ITGA9: variants seen among roughly 807,000 people sequenced by gnomAD.
The protein encoded by ITGA9 is integrin subunit alpha 9, also known as integrin alpha-9.
Under a neutral mutation model 127.8 loss-of-function variants are expected in ITGA9, and 56 were observed. The ratio of observed to expected loss-of-function variants is 0.44; its 90% confidence interval spans 0.35 to 0.55. The LOEUF (loss-of-function observed/expected upper bound fraction) is 0.55, where lower values mean the gene tolerates loss of function less well. Ranked by LOEUF, ITGA9 falls within the 20% of genes least tolerant of loss-of-function variation. The pLI is 0.00. For missense variants in ITGA9, 1,196 were observed against 1,347.1 expected (o/e 0.89, Z 1.76); for synonymous variants, 508 against 514.5 (o/e 0.99, Z 0.17).
rs550379600 is a variant in ITGA9, at chr3:37,612,856, G to T, written c.1690-16331G>T. ...CAGTGCTTCACACACATCAGACAAA[G>T]ATATTTTGTGAGTGGCTCTAAAAAT... is the stretch of plus-strand genomic sequence containing the variant. On this transcript the variant is annotated intron_variant, in intron 15 of 27. Coordinates refer to ENST00000264741, the MANE Select transcript of ITGA9 (RefSeq NM_002207.3). Among the ~76,000 whole-genome samples the T allele has an allele frequency of 6.4e-4, 97 of 152,188 alleles. 1 individual carries two copies. Among genetic ancestry groups the T allele is most frequent in the African/African-American group, 2.3e-3 (96 of 41,516 alleles).
At chr3:37,552,655 G>A (rs1011270208) in intron 15 of ITGA9, among the ~76,000 whole-genome samples, 1 of 152,130 alleles carries the variant, frequency 6.6e-6, no homozygotes, top group African/African-American at 2.4e-5. Flanking sequence ...GGGCGTATGC[G>A]TGTGTGCATG....
At chr3:37,604,658 C>G (rs1699951083) in intron 15 of ITGA9, among the ~76,000 whole-genome samples, 1 of 152,192 alleles carries the variant, frequency 6.6e-6, no homozygotes, top group Non-Finnish European at 1.5e-5. Flanking sequence ...ACTGAATGTC[C>G]CTTCTCTTTT....
chr3:37,460,587 C>CTTT (rs10711884), intron 1 of ITGA9, among the ~76,000 whole-genome samples: 14 of 110,832 alleles, frequency 1.3e-4, no homozygotes, highest in South Asian at 2.7e-4. Context: ...GTGCCCAAAT[C>CTTT]TTTTTTTTTT....
intron 26 of ITGA9, among the ~76,000 whole-genome samples, chr3:37,793,051 A>C (rs1040321465): frequency 6.6e-6 from 1 of 152,052 alleles, no homozygotes; most frequent in East Asian, 1.9e-4. Context: ...CTTCTCCCCA[A>C]ATCCTCAAGT....
intron 7 of ITGA9, among the ~76,000 whole-genome samples, chr3:37,506,760 G>A (rs1338782082): frequency 6.6e-6 from 1 of 152,238 alleles, no homozygotes; most frequent in African/African-American, 2.4e-5. Flanking sequence ...AGTAGGTACA[G>A]ATGGATCAGG....
rs748857103 is a variant in ITGA9, at chr3:37,779,978, C to T, written c.2744C>T (p.Thr915Ile). The change falls in exon 25 of 28, where the codon ACT (threonine) becomes ATT (isoleucine). Residue 915 changes from threonine to isoleucine, a missense_variant. Thr to Ile is a moderately conservative substitution (Grantham distance 89, BLOSUM62 -1). Transcript: ENST00000264741. ...GCTCTTGCTAAAGAAGAAAGTCGTA[C>T]TATAGACATTTACATGCTGCTGAAC... ...FSALAKEESR[T>I]IDIYMLLNTE... is the part of the protein sequence containing the mutation. 2 of 1,613,976 alleles carry T rather than the reference C, an allele frequency of 1.2e-6. No homozygotes were observed. Among genetic ancestry groups the T allele is most frequent in the Non-Finnish European group, 1.7e-6 (2 of 1,179,884 alleles).
chr3:37,622,894 G>A lies in ITGA9; in HGVS notation c.1690-6293G>A, dbSNP rs184955667. Among the ~76,000 whole-genome samples the A allele has an allele frequency of 3.9e-5, 6 of 152,114 alleles. No individual in the cohort carries two copies. In the East Asian group the frequency reaches 1.2e-3, roughly 29 times the overall value. ...TTTATTGCTTGCCTACAGTATGTCA[G>A]TCATTATACAAGGTATATTTTATAA... On this transcript the variant is annotated intron_variant, in intron 15 of 27. Coordinates refer to ENST00000264741, the MANE Select transcript of ITGA9 (RefSeq NM_002207.3).
At chr3:37,684,374 T>C in intron 18 of ITGA9, among the ~76,000 whole-genome samples, 1 of 152,232 alleles carries the variant, frequency 6.6e-6, no homozygotes, top group East Asian at 1.9e-4. Context: ...GGTCAGTAGT[T>C]GTGAAAGTAA....
At chr3:37,674,458 G>A (rs1700663754) in intron 17 of ITGA9, among the ~76,000 whole-genome samples, 1 of 152,210 alleles carries the variant, frequency 6.6e-6, no homozygotes, top group South Asian at 2.1e-4. Flanking sequence ...AGAGGCTCAT[G>A]AACTTGTGCT....
At chr3:37,605,939 T>A (rs182080136) in intron 15 of ITGA9, among the ~76,000 whole-genome samples, 2 of 152,182 alleles carry the variant, frequency 1.3e-5, no homozygotes, top group Non-Finnish European at 1.5e-5. Flanking sequence ...TGCATGAGTA[T>A]GATATAGTGT....
chr3:37,593,481 C>T (rs891143529), intron 15 of ITGA9, among the ~76,000 whole-genome samples: 2 of 152,202 alleles, frequency 1.3e-5, no homozygotes, highest in African/African-American at 4.8e-5. Flanking sequence ...ATCAAGGTGC[C>T]AGCATAGTTG....
intron 27 of ITGA9, among the ~76,000 whole-genome samples, chr3:37,812,991 C>T (rs1003258394): frequency 2.6e-4 from 40 of 152,386 alleles, no homozygotes; most frequent in Middle Eastern, 3.4e-3. Flanking sequence ...CCAAGGCACC[C>T]ATGCGTGCTC....
At chr3:37,680,196 C>G (rs1432651690) in intron 17 of ITGA9, among the ~76,000 whole-genome samples, 1 of 152,192 alleles carries the variant, frequency 6.6e-6, no homozygotes, top group East Asian at 1.9e-4. Flanking sequence ...AAGACCCTTT[C>G]TCAGTGTTGT....
chr3:37,623,107 A>T (rs1284899788), intron 15 of ITGA9, among the ~76,000 whole-genome samples: 3 of 152,182 alleles, frequency 2.0e-5, no homozygotes, highest in Non-Finnish European at 2.9e-5. Flanking sequence ...ATTAAAAAGC[A>T]AACAACTTCT....
At chr3:37,773,352 A>G (rs1696867163) in intron 23 of ITGA9, among the ~76,000 whole-genome samples, 2 of 152,236 alleles carry the variant, frequency 1.3e-5, no homozygotes, top group Admixed American at 6.5e-5. Context: ...TGCAGAAAAC[A>G]GTTTCCAGCG....
intron 15 of ITGA9, among the ~76,000 whole-genome samples, chr3:37,548,078 C>T (rs997573000): frequency 4.6e-5 from 7 of 152,054 alleles, no homozygotes; most frequent in South Asian, 4.1e-4. Flanking sequence ...TTTGGCAAAT[C>T]GCACAAAATC....
intron 8 of ITGA9, among the ~76,000 whole-genome samples, chr3:37,512,261 C>T (rs1698939837): frequency 6.8e-6 from 1 of 147,092 alleles, no homozygotes. Flanking sequence ...GCTCTGTTGC[C>T]CAGGCTAGAG....
chr3:37,516,800 G>A (rs1698988044), intron 9 of ITGA9, among the ~76,000 whole-genome samples: 1 of 152,110 alleles, frequency 6.6e-6, no homozygotes, highest in South Asian at 2.1e-4. Flanking sequence ...TATCACTCTG[G>A]TCTTCATGTG....
chr3:37,755,172 C>T (rs762433059), intron 23 of ITGA9, among the ~76,000 whole-genome samples: 15 of 152,108 alleles, frequency 9.9e-5, no homozygotes, highest in Non-Finnish European at 2.2e-4. Context: ...AGATCAGCAT[C>T]CCAAGTTGAG....
Sources: allele counts gnomAD v4.1 joint callset (sites outside exome capture counted in the v4.1 genomes callset), GRCh38; gene constraint gnomAD v4.1.1; transcripts MANE v1.5; gene names NCBI Gene and HGNC (gene_info 2026-07-23, HGNC 2026-07-21).